CSMD2: variants seen among roughly 807,000 people sequenced by gnomAD.
CSMD2 encodes CUB and sushi domain-containing protein 2.
CSMD2 carries 130 observed loss-of-function variants against 398.5 expected under a neutral mutation model. That is an observed-to-expected ratio of 0.33 (90% CI 0.28 to 0.38). CSMD2 has a LOEUF of 0.38. Among genes scored for constraint, CSMD2 ranks in the 10% least tolerant of loss-of-function variants. The probability of loss-of-function intolerance (pLI) is 1.00; values close to 1 mark genes in which losing one functional copy is unlikely to be tolerated. For missense variants in CSMD2, 3,829 were observed against 4,764.9 expected (o/e 0.80, Z 5.78); for synonymous variants, 1,828 against 1,908.5 (o/e 0.96, Z 1.10).
chr1:34,092,903 A>G (rs1480461079), intron 1 of CSMD2, among the ~76,000 whole-genome samples: 574 of 144,330 alleles, frequency 4.0e-3, no homozygotes, highest in African/African-American at 0.016. Flanking sequence ...GGTGGAGCCC[A>G]CCACAGCTCA....
chr1:33,758,925 G>A (rs1053274100), intron 13 of CSMD2, among the ~76,000 whole-genome samples: 1 of 152,198 alleles, frequency 6.6e-6, no homozygotes, highest in African/African-American at 2.4e-5. Context: ...GAGATGTTAT[G>A]TGGAGCCCAG....
At chr1:33,942,803 G>A (rs1282120337) in intron 3 of CSMD2, among the ~76,000 whole-genome samples, 2 of 152,172 alleles carry the variant, frequency 1.3e-5, no homozygotes, top group Non-Finnish European at 1.5e-5. Flanking sequence ...AATCTCCAGG[G>A]CCTTTCTTGT....
In CSMD2 at chr1:33,618,031, G is replaced by GAC. The variant is rs1553156499; in HGVS notation, c.5828-415_5828-414insGT. Among the ~76,000 whole-genome samples, 712 of 152,182 alleles carry GAC rather than the reference G, an allele frequency of 4.7e-3. 4 individuals carry two copies. Among genetic ancestry groups the GAC allele is most frequent in the African/African-American group, 0.017 (686 of 41,510 alleles). On this transcript the variant is annotated intron_variant, in intron 37 of 70. Transcript: ENST00000373381. ...CTGTGGGCTAAGACAGAGAGACAGA[G>GAC]AGAGAGAGAGGGAAAAGAAGGTCAA...
rs1646532162 is a variant in CSMD2 at position 33,726,441 on chromosome 1, C to T, written c.2507+106G>A. ...GTCCAGTGTTCTCCAACCTTGCTGACATTTCAGCGTTGGTACTGGTCCCCT... is the reference window on the plus strand; with the variant it reads ...GTCCAGTGTTCTCCAACCTTGCTGATATTTCAGCGTTGGTACTGGTCCCCT... On this transcript the variant is annotated intron_variant, in intron 16 of 70. Coordinates refer to ENST00000373381, the MANE Select transcript of CSMD2 (RefSeq NM_001281956.2). 7 of 1,316,614 alleles carry T rather than the reference C, an allele frequency of 5.3e-6. No homozygotes were observed. In the African/African-American group the frequency reaches 7.4e-5, roughly 14 times the overall value. The allele number at this position is 1,316,614 out of a possible 1,614,324, so 81.6% of individuals were successfully genotyped here. A position where few individuals can be genotyped will look rare whatever the true frequency, so the allele number is the denominator to read the frequency against.
At chr1:33,996,660 T>G (rs1646736429) in intron 3 of CSMD2, among the ~76,000 whole-genome samples, 1 of 152,096 alleles carries the variant, frequency 6.6e-6, no homozygotes, top group Non-Finnish European at 1.5e-5. Flanking sequence ...TGTGTGCCTC[T>G]CCTGGAAGAT....
At chr1:33,542,994 G>A (rs1656505618) in intron 57 of CSMD2, 98 bp from the exon 58 acceptor site, 5 of 956,918 alleles carry the variant, frequency 5.2e-6, no homozygotes, top group Non-Finnish European at 7.8e-6. Flanking sequence ...GCTACCTCGG[G>A]ACCTCGTGGA....
intron 2 of CSMD2, among the ~76,000 whole-genome samples, chr1:34,064,427 C>A (rs1291443841): frequency 6.6e-6 from 1 of 152,094 alleles, no homozygotes; most frequent in Non-Finnish European, 1.5e-5. Flanking sequence ...GTTCAAAGTT[C>A]CACAAGTCTC....
intron 7 of CSMD2, among the ~76,000 whole-genome samples, chr1:33,823,527 T>C (rs1658417191): frequency 6.6e-6 from 1 of 152,130 alleles, no homozygotes; most frequent in Non-Finnish European, 1.5e-5. Context: ...AGGGCCACTA[T>C]GGCAAGGGAG....
chr1:33,774,290 C>A (rs1651685182), intron 12 of CSMD2, among the ~76,000 whole-genome samples: 1 of 152,142 alleles, frequency 6.6e-6, no homozygotes, highest in African/African-American at 2.4e-5. Context: ...GCCTCACCCT[C>A]TACAAGTACA....
rs577792822 is a variant in CSMD2 at position 33,664,183 on chromosome 1, C to T, written c.4053-1091G>A. Among the ~76,000 whole-genome samples, 3 of 152,318 alleles carry T rather than the reference C, an allele frequency of 2.0e-5. No homozygotes were observed. In the South Asian group the frequency reaches 6.2e-4, roughly 32 times the overall value. ...ATTTTAAAAAAGTCTCTCTTTCACA[C>T]AGCCAACCTGTTCTCCAGAGCTATT... On this transcript the variant is annotated intron_variant, in intron 25 of 70. Coordinates refer to ENST00000373381, the MANE Select transcript of CSMD2 (RefSeq NM_001281956.2).
At chr1:33,792,725 C>G (rs1012404666) in intron 10 of CSMD2, among the ~76,000 whole-genome samples, 199 bp from the exon 11 acceptor site, 1 of 152,178 alleles carries the variant, frequency 6.6e-6, no homozygotes, top group African/African-American at 2.4e-5. Context: ...CTCCAGGGCC[C>G]CCTGATGTTT....
intron 6 of CSMD2, among the ~76,000 whole-genome samples, chr1:33,832,912 A>T (rs1196222354): frequency 6.6e-6 from 1 of 152,240 alleles, no homozygotes; most frequent in Non-Finnish European, 1.5e-5. Context: ...AGAAATGGAT[A>T]AATTCCTAGA....
intron 3 of CSMD2, among the ~76,000 whole-genome samples, chr1:33,970,106 CAA>C (rs1217263931): frequency 2.2e-4 from 22 of 98,684 alleles, no homozygotes; most frequent in Admixed American, 2.3e-4. Context: ...AACTCCATCT[CAA>C]AAAAAAAAAA....
At chr1:33,955,554 C>G (rs183051562) in intron 3 of CSMD2, among the ~76,000 whole-genome samples, 2 of 152,302 alleles carry the variant, frequency 1.3e-5, no homozygotes, top group East Asian at 3.9e-4. Flanking sequence ...TTTACTCCCG[C>G]TTACTCATGG....
chr1:33,975,486 T>TGTACACACACACAC (rs1553268751), intron 3 of CSMD2, among the ~76,000 whole-genome samples: 3 of 146,360 alleles, frequency 2.0e-5, no homozygotes, highest in Non-Finnish European at 4.5e-5. Flanking sequence ...CTCCCAAGTG[T>TGTACACACACACAC]ACACACACAC....
At chr1:33,837,854 C>T (rs540919319) in intron 6 of CSMD2, among the ~76,000 whole-genome samples, 1 of 152,338 alleles carries the variant, frequency 6.6e-6, no homozygotes, top group South Asian at 2.1e-4. Flanking sequence ...GACTGCCAGG[C>T]TGCTCCATTC....
chr1:33,619,394 A>ACC, intron 37 of CSMD2, among the ~76,000 whole-genome samples: 1 of 152,208 alleles, frequency 6.6e-6, no homozygotes, highest in East Asian at 1.9e-4. Flanking sequence ...TGGAAAAGAA[A>ACC]CAGGAAAGGA....
At chr1:33,940,438 CCT>C (rs1644629771) in intron 3 of CSMD2, among the ~76,000 whole-genome samples, 1 of 151,964 alleles carries the variant, frequency 6.6e-6, no homozygotes, top group South Asian at 2.1e-4. Flanking sequence ...AATACCTACC[CCT>C]GAGTGCCTAG....
intron 6 of CSMD2, chr1:33,838,961 T>C (rs1243927930): frequency 6.6e-6 from 1 of 152,396 alleles, no homozygotes; most frequent in African/African-American, 2.4e-5. Flanking sequence ...GCTGATACTG[T>C]AATTACCAAA....
Sources: allele counts gnomAD v4.1 joint callset (sites outside exome capture counted in the v4.1 genomes callset), GRCh38; gene constraint gnomAD v4.1.1; transcripts MANE v1.5; gene names NCBI Gene and HGNC (gene_info 2026-07-23, HGNC 2026-07-21).